Variants in CDH18 observed in about 807,000 individuals in gnomAD.
The protein encoded by CDH18 is cadherin 18.
CDH18 carries 31 observed loss-of-function variants against 67.9 expected under a neutral mutation model. That is an observed-to-expected ratio of 0.46 (90% CI 0.34 to 0.62). The LOEUF is 0.62. CDH18 is among the 20% of genes least tolerant of loss of function. CDH18 has a pLI of 0.01. For missense variants in CDH18, 890 were observed against 975.5 expected (o/e 0.91, Z 1.17); for synonymous variants, 362 against 347.2 (o/e 1.04, Z -0.48).
chr5:20,078,861 C>A (rs1744199537), intron 2 of CDH18, among the ~76,000 whole-genome samples: 1 of 152,158 alleles, frequency 6.6e-6, no homozygotes, highest in African/African-American at 2.4e-5. Context: ...GGTGATCCAC[C>A]CGCCTCGGCC....
chr5:20,062,709 C>G (rs949304210), intron 2 of CDH18, among the ~76,000 whole-genome samples: 2 of 152,034 alleles, frequency 1.3e-5, no homozygotes, highest in African/African-American at 4.8e-5. Context: ...AGTTTTGCAT[C>G]GCTCTTCTAT....
chr5:20,175,017 T>C (rs1476988954), intron 2 of CDH18, among the ~76,000 whole-genome samples: 1 of 152,158 alleles, frequency 6.6e-6, no homozygotes, highest in Admixed American at 6.6e-5. Context: ...GTTTATTTTG[T>C]GACCAATATG....
At chr5:19,663,094 C>T (rs1757409906) in intron 5 of CDH18, among the ~76,000 whole-genome samples, 1 of 151,898 alleles carries the variant, frequency 6.6e-6, no homozygotes, top group Admixed American at 6.6e-5. Context: ...CAAATATTTA[C>T]ATATTACAAT....
intron 1 of CDH18, among the ~76,000 whole-genome samples, chr5:20,466,795 T>G (rs981362712): frequency 1.3e-5 from 2 of 152,144 alleles, no homozygotes; most frequent in African/African-American, 4.8e-5. Context: ...TCTTCCATCA[T>G]GCCTGCCACA....
At chr5:19,495,311 A>AT (rs900248404) in intron 11 of CDH18, among the ~76,000 whole-genome samples, 48 of 152,324 alleles carry the variant, frequency 3.2e-4, no homozygotes, top group African/African-American at 1.2e-3. Context: ...CTGAAACTCC[A>AT]TTTATGTCCC....
chr5:19,756,949 C>T (rs1036500108), intron 3 of CDH18, among the ~76,000 whole-genome samples: 7 of 152,168 alleles, frequency 4.6e-5, no homozygotes, highest in Non-Finnish European at 8.8e-5. Flanking sequence ...CATACCCAGC[C>T]TTCTGGATAA....
chr5:20,416,454 G>GA (rs1359990143), intron 1 of CDH18, among the ~76,000 whole-genome samples: 2 of 152,016 alleles, frequency 1.3e-5, no homozygotes, highest in African/African-American at 2.4e-5. Flanking sequence ...TGTGCTTACA[G>GA]AAAAAAGTAA....
At chr5:19,539,341 T>A (rs1749885387) in intron 9 of CDH18, among the ~76,000 whole-genome samples, 1 of 152,200 alleles carries the variant, frequency 6.6e-6, no homozygotes, top group Non-Finnish European at 1.5e-5. Context: ...TATACCTATA[T>A]TTTACCAAGT....
chr5:19,849,283 C>A (rs1180972616), intron 2 of CDH18, among the ~76,000 whole-genome samples: 1 of 151,742 alleles, frequency 6.6e-6, no homozygotes, highest in Non-Finnish European at 1.5e-5. Context: ...ATCATGTTGG[C>A]AGAGATTAAC....
intron 1 of CDH18, among the ~76,000 whole-genome samples, chr5:20,501,751 G>T (rs1754343747): frequency 7.0e-6 from 1 of 142,466 alleles, no homozygotes; most frequent in African/African-American, 2.7e-5. Flanking sequence ...GTGTGTGTGT[G>T]TGTGTATACC....
chr5:20,196,061 C>T (rs1738948823), intron 2 of CDH18, among the ~76,000 whole-genome samples: 1 of 152,106 alleles, frequency 6.6e-6, no homozygotes, highest in African/African-American at 2.4e-5. Flanking sequence ...ATCTGTTCAT[C>T]TTCTAAGTCA....
At chr5:19,993,668 T>C (rs1398068047) in intron 2 of CDH18, among the ~76,000 whole-genome samples, 2 of 152,032 alleles carry the variant, frequency 1.3e-5, no homozygotes, top group African/African-American at 4.8e-5. Flanking sequence ...TATACATAGA[T>C]ATACCTCTAT....
In CDH18 at chr5:20,366,521, A is replaced by G. The variant is rs138326796; in HGVS notation, c.-579-111016T>C. Among the ~76,000 whole-genome samples, 1,416 of 152,308 alleles carry G rather than the reference A, an allele frequency of 9.3e-3. 26 individuals carry two copies. The highest frequency in any genetic ancestry group is 0.031 in the African/African-American group (1,271 of 41,572). ...CTCATTTATACAAAATGCCTGTGAC[A>G]AGCCACCATGGTGGAGAAGCTGGAG... On this transcript the variant is annotated intron_variant, in intron 1 of 14. Coordinates refer to the CDH18 transcript ENST00000507958.
chr5:20,507,441 A>G (rs1169198430), intron 1 of CDH18, among the ~76,000 whole-genome samples: 1 of 152,232 alleles, frequency 6.6e-6, no homozygotes. Flanking sequence ...GTAATCATAT[A>G]TGAAGATAAG....
intron 9 of CDH18, among the ~76,000 whole-genome samples, chr5:19,522,401 GAT>G (rs1318103229): frequency 2.6e-5 from 4 of 151,912 alleles, no homozygotes; most frequent in African/African-American, 9.7e-5. Flanking sequence ...CATTAAAAAA[GAT>G]ATAAAGATAT....
chr5:20,195,406 G>A lies in CDH18; in HGVS notation c.-518+60038C>T, dbSNP rs966126773. Among the ~76,000 whole-genome samples, 6 of 151,912 alleles carry A rather than the reference G, an allele frequency of 3.9e-5. No homozygotes were observed. In the South Asian group the frequency reaches 8.3e-4, roughly 21 times the overall value. On this transcript the variant is annotated intron_variant, in intron 2 of 14. Coordinates refer to the CDH18 transcript ENST00000507958. ...CTCTCAGTGATGAATTTGATTGTAC[G>A]GTAATTGATTATAGCATGTTCTTAC...
intron 3 of CDH18, among the ~76,000 whole-genome samples, chr5:19,770,200 T>A (rs1444626724): frequency 6.6e-6 from 1 of 152,034 alleles, no homozygotes; most frequent in Non-Finnish European, 1.5e-5. Context: ...TGAAATTCAC[T>A]CATAAAGTAT....
At position 20,207,640 on chromosome 5, in the gene CDH18, G is replaced by T. The variant is rs10941657; in HGVS notation, c.-518+47804C>A. Among the ~76,000 whole-genome samples the T allele has an allele frequency of 1.1e-3, 171 of 151,934 alleles. 1 individual carries two copies. Among genetic ancestry groups the T allele is most frequent in the African/African-American group, 3.8e-3 (156 of 41,506 alleles). ...CCTATTCACTATCATGAGAACAGCA[G>T]GGGAAAGACCCATGCTGTGATCCAA... On this transcript the variant is annotated intron_variant, in intron 2 of 14. Transcript: ENST00000507958.
chr5:20,377,017 C>CAAAA (rs34122318), intron 1 of CDH18, among the ~76,000 whole-genome samples: 1 of 142,738 alleles, frequency 7.0e-6, no homozygotes, highest in Admixed American at 7.1e-5. Flanking sequence ...GACTCCGTCT[C>CAAAA]AAAAAAAAAA....
Sources: gnomAD v4.1 joint callset for allele counts (sites outside exome capture counted in the v4.1 genomes callset) on GRCh38, gnomAD v4.1.1 for gene constraint, MANE v1.5 for transcripts, NCBI Gene and HGNC (gene_info 2026-07-23, HGNC 2026-07-21) for gene names.